Variants in DRICH1 observed in about 807,000 individuals in gnomAD.
DRICH1 encodes aspartate-rich protein 1.
A neutral mutation model predicts 39.5 loss-of-function variants in DRICH1; 38 were observed. The ratio of observed to expected loss-of-function variants is 0.96; its 90% CI spans 0.74 to 1.26. DRICH1 has a LOEUF of 1.26. DRICH1 is among the 50% of genes most tolerant of loss of function. The pLI is 0.00. For missense variants in DRICH1, 279 were observed against 270.4 expected, an observed-to-expected ratio of 1.03 and a Z score of -0.22; for synonymous variants, 84 against 99.5, an observed-to-expected ratio of 0.84 and a Z score of 0.93.
In DRICH1 at chr22:23,624,911, TG is replaced by T; in HGVS notation, c.277-8del. 6.2e-7 allele frequency: 1 copy of T among 1,613,406 alleles called. No homozygotes were observed. The highest frequency in any genetic ancestry group is 8.5e-7 in the Non-Finnish European group (1 of 1,179,362). ...GGACAGGTGATGGTAAAATCTGCAA[TG>T]AGACAAAAGAAGATGCTATGAGGAT... On this transcript the variant is annotated splice_region_variant and splice_polypyrimidine_tract_variant and intron_variant, in intron 2 of 11. Transcript: ENST00000317749.
At chr22:23,593,847 G>A in the DRICH1 span, among the ~76,000 whole-genome samples, 2 of 151,590 alleles carry the variant, frequency 1.3e-5, no homozygotes, top group Non-Finnish European at 2.9e-5. Flanking sequence ...GCGTGGTGGC[G>A]CATGCCTGTA....
the DRICH1 span, among the ~76,000 whole-genome samples, chr22:23,582,913 A>G: frequency 1.7e-4 from 26 of 152,318 alleles, no homozygotes; most frequent in Middle Eastern, 3.4e-3. Flanking sequence ...GGCCTGGAAA[A>G]TGTTGTCAAC....
At chr22:23,582,714 G>A in the DRICH1 span, among the ~76,000 whole-genome samples, 5 of 151,970 alleles carry the variant, frequency 3.3e-5, no homozygotes, top group South Asian at 6.2e-4. Context: ...ACAGGTGCCC[G>A]CCATCATGCT....
intron 11 of DRICH1, among the ~76,000 whole-genome samples, chr22:23,610,123 A>T (rs1793812435): frequency 6.6e-6 from 1 of 152,082 alleles, no homozygotes; most frequent in Non-Finnish European, 1.5e-5. Flanking sequence ...TTGCTCTTGT[A>T]GGGCACGACG....
chr22:23,605,627 CACCCCT>C (rs879261012), downstream of DRICH1, among the ~76,000 whole-genome samples: 2,508 of 152,116 alleles, frequency 0.016, 41 homozygotes, highest in South Asian at 0.039. Context: ...CCTCCATTCC[CACCCCT>C]GCCTCCATTC....
the DRICH1 span, among the ~76,000 whole-genome samples, chr22:23,600,819 C>T: frequency 6.6e-6 from 1 of 151,952 alleles, no homozygotes; most frequent in Non-Finnish European, 1.5e-5. Context: ...ACTATGGGCA[C>T]CCGCCACCAT....
the DRICH1 span, among the ~76,000 whole-genome samples, chr22:23,582,555 C>CTTATT: frequency 1.4e-5 from 2 of 143,880 alleles, no homozygotes; most frequent in South Asian, 4.5e-4. Flanking sequence ...CCTTCAGGGG[C>CTTATT]TTATTATTAT....
the DRICH1 span, among the ~76,000 whole-genome samples, chr22:23,592,915 C>T: frequency 6.6e-6 from 1 of 150,556 alleles, no homozygotes; most frequent in Admixed American, 6.6e-5. Context: ...ACCTGTAATC[C>T]CAGCTACTCG....
downstream of DRICH1, among the ~76,000 whole-genome samples, chr22:23,605,172 A>C (rs1234873094): frequency 6.6e-6 from 1 of 152,166 alleles, no homozygotes; most frequent in Non-Finnish European, 1.5e-5. Context: ...TTCACCAGTG[A>C]TGAACAGGCC....
At chr22:23,617,507 A>G (rs1927430276) in intron 7 of DRICH1, 68 bp downstream of exon 7, 2 of 1,553,324 alleles carry the variant, frequency 1.3e-6, no homozygotes, top group Non-Finnish European at 1.8e-6. Context: ...TTGGGATTGG[A>G]TTGGTGAGTT....
At chr22:23,611,869 T>C (rs982762544) in intron 11 of DRICH1, among the ~76,000 whole-genome samples, 1 of 152,134 alleles carries the variant, frequency 6.6e-6, no homozygotes, top group African/African-American at 2.4e-5. Context: ...AAACAACACT[T>C]CTTTTTGGAG....
At chr22:23,598,311 G>A in the DRICH1 span, among the ~76,000 whole-genome samples, 217 of 147,936 alleles carry the variant, frequency 1.5e-3, 8 homozygotes, top group African/African-American at 5.1e-3. Context: ...CACAGGCCCA[G>A]GCAAGAACTG....
chr22:23,603,234 A>G, the DRICH1 span, among the ~76,000 whole-genome samples: 1 of 151,482 alleles, frequency 6.6e-6, no homozygotes, highest in Non-Finnish European at 1.5e-5. Flanking sequence ...TTTTTCATAC[A>G]TGTTTCTGAA....
intron 11 of DRICH1, 114 bp from the exon 12 acceptor site, chr22:23,608,882 G>T: frequency 8.7e-7 from 1 of 1,151,458 alleles, no homozygotes; most frequent in Non-Finnish European, 1.3e-6. Context: ...CGCCTCTGCA[G>T]TCCAGGCTGA....
the DRICH1 span, among the ~76,000 whole-genome samples, chr22:23,589,601 G>A: frequency 8.5e-5 from 13 of 152,184 alleles, no homozygotes; most frequent in East Asian, 2.5e-3. Context: ...ATTAATCACA[G>A]GGAAATGAGG....
intron 8 of DRICH1, among the ~76,000 whole-genome samples, chr22:23,615,614 C>CT (rs781575595): frequency 6.6e-6 from 1 of 152,206 alleles, no homozygotes; most frequent in Non-Finnish European, 1.5e-5. Context: ...ACAAGAACTG[C>CT]TATCAAACTG....
the DRICH1 span, among the ~76,000 whole-genome samples, chr22:23,603,006 CTTT>C: frequency 1.5e-5 from 2 of 130,018 alleles, no homozygotes; most frequent in Non-Finnish European, 3.3e-5. Context: ...AACACATTTA[CTTT>C]TTTTTTTTTT....
intron 3 of DRICH1, among the ~76,000 whole-genome samples, chr22:23,623,468 C>G (rs113995208): frequency 0.012 from 1,857 of 152,204 alleles, 43 homozygotes; most frequent in African/African-American, 0.041. Context: ...TTAAATCTAA[C>G]TAATCAGCTG....
At chr22:23,584,110 C>G in the DRICH1 span, among the ~76,000 whole-genome samples, 1 of 152,192 alleles carries the variant, frequency 6.6e-6, no homozygotes, top group Non-Finnish European at 1.5e-5. Flanking sequence ...CGGGGCTGGG[C>G]TGGGCCGGGC....
Sources: gnomAD v4.1 joint callset for allele counts (sites outside exome capture counted in the v4.1 genomes callset) on GRCh38, gnomAD v4.1.1 for gene constraint, MANE v1.5 for transcripts, NCBI Gene and HGNC (gene_info 2026-07-23, HGNC 2026-07-21) for gene names.